Variants in MCM5 observed in about 807,000 individuals in gnomAD.
MCM5 encodes the protein minichromosome maintenance complex component 5.
Under a neutral mutation model 79.9 loss-of-function variants are expected in MCM5, and 46 were observed. That is an observed-to-expected ratio of 0.58 (90% CI 0.45 to 0.74). The LOEUF (loss-of-function observed/expected upper bound fraction) is 0.74. MCM5 is among the 30% of genes least tolerant of loss of function. The pLI is 0.00. For missense variants in MCM5, 883 were observed against 1,017.0 expected (o/e 0.87, Z 1.79); for synonymous variants, 404 against 390.5 (o/e 1.03, Z -0.41).
chr22:35,454,305 C>A, the MCM5 span, among the ~76,000 whole-genome samples: 3 of 152,238 alleles, frequency 2.0e-5, no homozygotes, highest in East Asian at 1.9e-4. Flanking sequence ...AATATTTACA[C>A]CACAGGGGCG....
intron 7 of MCM5, 24 bp from the exon 8 acceptor site, chr22:35,412,486 C>G (rs1231203927): frequency 1.3e-6 from 2 of 1,512,302 alleles, no homozygotes; most frequent in Non-Finnish European, 1.8e-6. Flanking sequence ...TGTACTCACT[C>G]ATGCGCCTGC....
chr22:35,441,367 A>G, the MCM5 span, among the ~76,000 whole-genome samples: 1 of 152,146 alleles, frequency 6.6e-6, no homozygotes, highest in South Asian at 2.1e-4. Flanking sequence ...ACAATCTCGC[A>G]CTCATGGGCT....
In MCM5 at chr22:35,424,237, T is replaced by C; in HGVS notation, c.2187T>C (p.Val729=). 4 of 1,549,244 alleles carry C rather than the reference T, an allele frequency of 2.6e-6. No homozygotes were observed. Among genetic ancestry groups the C allele is most frequent in the African/African-American group, 1.4e-5 (1 of 73,154 alleles). Residue 729 remains valine (V), a synonymous_variant, in exon 17 of 17, where the codon GTT becomes GTC. Coordinates refer to ENST00000216122, the MANE Select transcript of MCM5 (RefSeq NM_006739.4). Reference sequence around the variant, plus strand: ...TCCAGCATCGCATGCAGCGCAAGGTTCTCTACCGCCTCAAGTGAGTCGCGC... The same window carrying C: ...TCCAGCATCGCATGCAGCGCAAGGTCCTCTACCGCCTCAAGTGAGTCGCGC... ...GEIQHRMQRK[V]LYRLK is the part of the protein sequence containing the mutation.
chr22:35,421,156 A>C (rs892192967), intron 14 of MCM5, among the ~76,000 whole-genome samples, 162 bp from the exon 15 acceptor site: 16 of 147,730 alleles, frequency 1.1e-4, no homozygotes, highest in African/African-American at 4.0e-4. Flanking sequence ...AAAAAATTGC[A>C]GTTCTATGAC....
the MCM5 span, among the ~76,000 whole-genome samples, chr22:35,434,899 C>T: frequency 1.3e-5 from 2 of 151,960 alleles, no homozygotes; most frequent in Admixed American, 1.3e-4. Flanking sequence ...CGCCTGTAAT[C>T]CCAGCACTTT....
chr22:35,432,719 G>C, the MCM5 span, among the ~76,000 whole-genome samples: 4 of 152,186 alleles, frequency 2.6e-5, no homozygotes, highest in Non-Finnish European at 5.9e-5. Context: ...GTGTGTGCGG[G>C]GGGGTGGTGG....
intron 15 of MCM5, chr22:35,422,964 C>T (rs143179200): frequency 1.2e-4 from 41 of 333,698 alleles, no homozygotes; most frequent in African/African-American, 6.3e-4. Flanking sequence ...CGCTGGGCCC[C>T]GGGCTGCTTT....
At chr22:35,443,549 T>G in the MCM5 span, among the ~76,000 whole-genome samples, 1 of 152,232 alleles carries the variant, frequency 6.6e-6, no homozygotes, top group Non-Finnish European at 1.5e-5. Flanking sequence ...TGCGCCTGCC[T>G]CACCCTGGTC....
intron 6 of MCM5, chr22:35,409,856 A>T (rs749930631): frequency 6.6e-6 from 1 of 152,310 alleles, no homozygotes; most frequent in Non-Finnish European, 1.5e-5. Flanking sequence ...GGATAAGGAC[A>T]GTCCTTAATC....
intron 7 of MCM5, among the ~76,000 whole-genome samples, chr22:35,411,885 A>G (rs983517818): frequency 6.6e-6 from 1 of 152,112 alleles, no homozygotes; most frequent in Non-Finnish European, 1.5e-5. Context: ...GGCTGAAGCT[A>G]AGCTCCCCTT....
the MCM5 span, among the ~76,000 whole-genome samples, chr22:35,444,344 G>C: frequency 6.6e-6 from 1 of 152,174 alleles, no homozygotes. Context: ...AGAGAGCAGA[G>C]GGCGTTAGGC....
At chr22:35,453,819 T>TATATATATATATAGAGAGAGAGAGAGAG in the MCM5 span, among the ~76,000 whole-genome samples, 3 of 81,548 alleles carry the variant, frequency 3.7e-5, no homozygotes, top group Admixed American at 1.3e-4. Flanking sequence ...TATATATATA[T>TATATATATATATAGAGAGAGAGAGAGAG]AGAGAGAGAG....
chr22:35,421,334 G>A lies in MCM5; in HGVS notation c.1849G>A (p.Val617Met), dbSNP rs941448255. 6.2e-7 allele frequency: 1 copy of A among 1,613,400 alleles called. No homozygotes were observed. Among genetic ancestry groups the A allele is most frequent in the Non-Finnish European group, 8.5e-7 (1 of 1,179,964 alleles). Residue 617 changes from valine to methionine, a missense_variant, in exon 15 of 17, where the codon GTG becomes ATG. Physicochemically the swap from Val to Met is conservative, Grantham distance 21 (BLOSUM62 1). Coordinates refer to ENST00000216122, the MANE Select transcript of MCM5 (RefSeq NM_006739.4). ...CCCCCACAGGCAGCTGGAGGCCATT[G>A]TGCGCATCGCGGAAGCCCTCAGCAA... ...PITVRQLEAI[V>M]RIAEALSKMK...
At chr22:35,410,506 T>G in intron 6 of MCM5, 1 of 490,790 alleles carries the variant, frequency 2.0e-6, no homozygotes, top group Non-Finnish European at 3.8e-6. Context: ...CCACCTGCCT[T>G]TCTGTTTGGC....
At chr22:35,413,667 C>A (rs1157533586) in intron 8 of MCM5, among the ~76,000 whole-genome samples, 1 of 152,180 alleles carries the variant, frequency 6.6e-6, no homozygotes, top group African/African-American at 2.4e-5. Context: ...AAGCTCTGTC[C>A]TCATTGCTAG....
At chr22:35,437,691 C>T in the MCM5 span, among the ~76,000 whole-genome samples, 1 of 152,184 alleles carries the variant, frequency 6.6e-6, no homozygotes, top group Non-Finnish European at 1.5e-5. Context: ...CATACCTAGC[C>T]ATGAGTCGGG....
chr22:35,404,279 CGT>C (rs1364062670), intron 4 of MCM5, among the ~76,000 whole-genome samples: 1 of 152,176 alleles, frequency 6.6e-6, no homozygotes, highest in Admixed American at 6.5e-5. Flanking sequence ...TCTTACAGCT[CGT>C]GTGTCTCAGC....
downstream of MCM5, among the ~76,000 whole-genome samples, chr22:35,427,307 TA>T (rs1191093556): frequency 6.6e-6 from 1 of 152,212 alleles, no homozygotes; most frequent in African/African-American, 2.4e-5. Context: ...AGAGAATGCT[TA>T]TAAAGAGCAG....
chr22:35,420,125 G>A, intron 14 of MCM5, 113 bp downstream of exon 14: 1 of 1,282,446 alleles, frequency 7.8e-7, no homozygotes, highest in Non-Finnish European at 1.1e-6. Context: ...CAGGCCCATA[G>A]TAGCTCTGGG....
Sources: gnomAD v4.1 joint callset for allele counts (sites outside exome capture counted in the v4.1 genomes callset) on GRCh38, gnomAD v4.1.1 for gene constraint, MANE v1.5 for transcripts, NCBI Gene and HGNC (gene_info 2026-07-23, HGNC 2026-07-21) for gene names.